The following PPP2R3A variants were observed in gnomAD, a reference collection of about 807,000 sequenced individuals.
PPP2R3A encodes the protein protein phosphatase 2 regulatory subunit B''alpha.
PPP2R3A carries 80 observed loss-of-function variants against 106.9 expected under a neutral mutation model. That is an observed-to-expected ratio of 0.75 (90% CI 0.62 to 0.90). The LOEUF (loss-of-function observed/expected upper bound fraction) is 0.90, where lower values mean the gene tolerates loss of function less well. Among genes scored for constraint, PPP2R3A ranks in the 40% least tolerant of loss-of-function variants. PPP2R3A has a pLI of 0.00. For missense variants in PPP2R3A, 1,386 were observed against 1,350.4 expected (o/e 1.03, Z -0.41); for synonymous variants, 483 against 468.3 (o/e 1.03, Z -0.41).
intron 7 of PPP2R3A, among the ~76,000 whole-genome samples, 196 bp downstream of exon 7, chr3:136,078,649 CT>C (rs111928165): frequency 0.1 from 15,212 of 152,202 alleles, 2,255 homozygotes; most frequent in African/African-American, 0.32. Context: ...AATAAGGGAT[CT>C]CTGCCTGAAG....
intron 1 of PPP2R3A, among the ~76,000 whole-genome samples, chr3:135,998,692 C>T (rs193210240): frequency 9.4e-4 from 143 of 152,200 alleles, no homozygotes; most frequent in African/African-American, 3.3e-3. Context: ...ATGTTTATCA[C>T]TGCTTATTTG....
chr3:135,975,767 A>G (rs1937402331), intron 1 of PPP2R3A, among the ~76,000 whole-genome samples: 1 of 152,140 alleles, frequency 6.6e-6, no homozygotes, highest in African/African-American at 2.4e-5. Flanking sequence ...ATATAATCAT[A>G]TAGCTAAAAT....
At chr3:136,098,318 A>C (rs377163583) in intron 10 of PPP2R3A, among the ~76,000 whole-genome samples, 1 of 152,382 alleles carries the variant, frequency 6.6e-6, no homozygotes, top group African/African-American at 2.4e-5. Context: ...CCTATCTCAA[A>C]AACAAATAGT....
At chr3:136,039,325 A>G (rs1252727790) in intron 3 of PPP2R3A, among the ~76,000 whole-genome samples, 1 of 152,134 alleles carries the variant, frequency 6.6e-6, no homozygotes, top group Non-Finnish European at 1.5e-5. Flanking sequence ...CACATTTGGG[A>G]TATGTTTTCT....
At chr3:136,090,225 T>C (rs1166534867) in intron 9 of PPP2R3A, among the ~76,000 whole-genome samples, 2 of 152,220 alleles carry the variant, frequency 1.3e-5, no homozygotes, top group Non-Finnish European at 2.9e-5. Context: ...AGTATAATGC[T>C]AGCTATGTGT....
chr3:136,138,730 T>TG (rs1938730479), intron 13 of PPP2R3A, among the ~76,000 whole-genome samples: 1 of 107,220 alleles, frequency 9.3e-6, no homozygotes, highest in African/African-American at 3.6e-5. Flanking sequence ...TTTTTTTTTT[T>TG]GAGACAGTTT....
chr3:136,136,737 G>C (rs891609814), intron 13 of PPP2R3A, among the ~76,000 whole-genome samples: 4 of 152,144 alleles, frequency 2.6e-5, no homozygotes, highest in Non-Finnish European at 5.9e-5. Context: ...TAGTCCAGAT[G>C]ATTTGGCCCT....
At chr3:136,144,015 G>A (rs1428822090) in intron 13 of PPP2R3A, among the ~76,000 whole-genome samples, 1 of 152,192 alleles carries the variant, frequency 6.6e-6, no homozygotes, top group Non-Finnish European at 1.5e-5. Flanking sequence ...ACATTTTTCT[G>A]ATGTACATAT....
rs1933620202 is a variant in PPP2R3A, at chr3:136,001,532, G to A, written c.34G>A (p.Val12Met). Residue 12 changes from valine (V) to methionine (M), a missense_variant, in exon 2 of 14, where the codon GTG becomes ATG. Coordinates refer to ENST00000264977, the MANE Select transcript of PPP2R3A (RefSeq NM_002718.5). ...AACTTACAGACTTGTGGTTAGTACT[G>A]TGAACCACTACAGCAGCGTGGTGAT... ...AATYRLVVST[V>M]NHYSSVVIDR... 6.2e-7 allele frequency: 1 copy of A among 1,614,140 alleles called. No individual in the cohort carries two copies. Among genetic ancestry groups the A allele is most frequent in the African/African-American group, 1.3e-5 (1 of 75,068 alleles).
chr3:135,967,781 A>T (rs921006273), intron 1 of PPP2R3A, among the ~76,000 whole-genome samples: 2 of 152,196 alleles, frequency 1.3e-5, no homozygotes, highest in African/African-American at 4.8e-5. Flanking sequence ...AGTGCAATTG[A>T]CAGCTCTTTT....
chr3:136,047,878 G>A (rs1219919516), intron 4 of PPP2R3A, among the ~76,000 whole-genome samples: 3 of 151,316 alleles, frequency 2.0e-5, no homozygotes, highest in South Asian at 2.1e-4. Context: ...GCACTCCAGC[G>A]TAGGCAACAG....
chr3:136,034,044 T>C (rs1935000157), intron 3 of PPP2R3A, among the ~76,000 whole-genome samples: 2 of 149,960 alleles, frequency 1.3e-5, no homozygotes, highest in Non-Finnish European at 3.0e-5. Context: ...TTTTTCTTTT[T>C]TTTTTTTTTT....
intron 10 of PPP2R3A, among the ~76,000 whole-genome samples, chr3:136,091,554 C>T (rs1937095294): frequency 6.6e-6 from 1 of 152,048 alleles, no homozygotes. Context: ...GAGTTTGAGG[C>T]TGTAGTGAGC....
chr3:136,073,427 T>C (rs1936502246), intron 6 of PPP2R3A, among the ~76,000 whole-genome samples: 1 of 152,250 alleles, frequency 6.6e-6, no homozygotes, highest in Non-Finnish European at 1.5e-5. Context: ...TCTGCTGTAA[T>C]ATTTTCATGG....
intron 1 of PPP2R3A, among the ~76,000 whole-genome samples, chr3:135,992,668 G>C (rs1167362508): frequency 6.6e-6 from 1 of 152,144 alleles, no homozygotes; most frequent in African/African-American, 2.4e-5. Context: ...GATGAATTCA[G>C]CTTCAGGCAT....
chr3:135,988,402 C>G (rs992307214), intron 1 of PPP2R3A, among the ~76,000 whole-genome samples: 1 of 152,102 alleles, frequency 6.6e-6, no homozygotes, highest in East Asian at 1.9e-4. Context: ...CTAGTCCAAG[C>G]CAGCATCATC....
chr3:136,137,836 C>T (rs942507588), intron 13 of PPP2R3A, among the ~76,000 whole-genome samples: 4 of 150,742 alleles, frequency 2.7e-5, no homozygotes, highest in African/African-American at 9.8e-5. Flanking sequence ...CCACCGCGCC[C>T]GGCCTCTGTC....
chr3:136,102,218 C>G, intron 11 of PPP2R3A, 36 bp downstream of exon 11: 1 of 1,604,930 alleles, frequency 6.2e-7, no homozygotes, highest in Non-Finnish European at 8.5e-7. Context: ...CACTGTTCAC[C>G]TATGTATCAG....
chr3:135,989,883 A>G (rs897811409), intron 1 of PPP2R3A, among the ~76,000 whole-genome samples: 3 of 152,184 alleles, frequency 2.0e-5, no homozygotes, highest in African/African-American at 4.8e-5. Context: ...AAAAAGTTAT[A>G]TGCACAAAAA....
Sources: allele counts gnomAD v4.1 joint callset (sites outside exome capture counted in the v4.1 genomes callset), GRCh38; gene constraint gnomAD v4.1.1; transcripts MANE v1.5; gene names NCBI Gene and HGNC (gene_info 2026-07-23, HGNC 2026-07-21).